Variants in THSD7B observed in about 807,000 individuals in gnomAD.
The protein encoded by THSD7B is thrombospondin type 1 domain containing 7B.
Under a neutral mutation model 213.6 loss-of-function variants are expected in THSD7B, and 138 were observed. The observed-to-expected ratio is 0.65, with a 90% CI of 0.56 to 0.74. THSD7B has a LOEUF of 0.74. Among genes scored for constraint, THSD7B ranks in the 30% least tolerant of loss-of-function variants. The probability of loss-of-function intolerance (pLI) is 0.00; values close to 1 mark genes in which losing one functional copy is unlikely to be tolerated. For synonymous variants in THSD7B, 742 were observed against 687.0 expected, an observed-to-expected ratio of 1.08 and a Z score of -1.25; for missense variants, 1,931 against 1,991.5, an observed-to-expected ratio of 0.97 and a Z score of 0.58.
intron 2 of THSD7B, among the ~76,000 whole-genome samples, chr2:136,954,714 CAAAAA>C (rs11378111): frequency 1.1e-5 from 1 of 89,430 alleles, no homozygotes; most frequent in Non-Finnish European, 2.0e-5. Flanking sequence ...GACTCTGTCT[CAAAAA>C]AAAAAAAAAA....
intron 1 of THSD7B, among the ~76,000 whole-genome samples, chr2:136,804,188 C>T (rs2558105): frequency 0.73 from 110,602 of 152,062 alleles, 40,636 homozygotes; most frequent in East Asian, 0.97. Flanking sequence ...TGAATACTGC[C>T]TTGGTCATGT....
In THSD7B at chr2:137,276,168, A is replaced by G; in HGVS notation, c.2500+142A>G. The G allele has an allele frequency of 2.8e-5, 19 of 681,928 alleles. No homozygotes were observed. The South Asian group carries it at 3.9e-4, about 14-fold the overall frequency. The allele number at this position is 681,928 out of a possible 1,614,324, so 42.2% of individuals were successfully genotyped here. A position where few individuals can be genotyped will look rare whatever the true frequency, so the allele number is the denominator to read the frequency against. On this transcript the variant is annotated intron_variant, in intron 12 of 27. Transcript: ENST00000409968. ...TCATATTTATTGATGTTAAATATAA[A>G]TAGGATTTGGCATAGTTAGCAGTTT... is the stretch of plus-strand genomic sequence containing the variant.
chr2:137,303,429 G>T (rs943729357), intron 12 of THSD7B, among the ~76,000 whole-genome samples: 4 of 151,642 alleles, frequency 2.6e-5, no homozygotes, highest in Admixed American at 2.6e-4. Context: ...TTTTAAACTT[G>T]TATTTAATCT....
At chr2:136,907,414 A>T (rs1684183847) in intron 2 of THSD7B, among the ~76,000 whole-genome samples, 1 of 152,204 alleles carries the variant, frequency 6.6e-6, no homozygotes, top group South Asian at 2.1e-4. Context: ...ATATTGTTTT[A>T]AAAATGTAAG....
At chr2:137,471,861 G>C (rs1688100820) in intron 15 of THSD7B, among the ~76,000 whole-genome samples, 1 of 152,160 alleles carries the variant, frequency 6.6e-6, no homozygotes, top group African/African-American at 2.4e-5. Flanking sequence ...CCAAAAGGCA[G>C]TACTGCGGGT....
intron 2 of THSD7B, among the ~76,000 whole-genome samples, chr2:137,028,854 T>C (rs1443542791): frequency 6.6e-6 from 1 of 152,188 alleles, no homozygotes; most frequent in African/African-American, 2.4e-5. Flanking sequence ...TTAGAATTGA[T>C]ATTTTGTTTG....
At chr2:137,070,158 G>T (rs185930691) in intron 3 of THSD7B, among the ~76,000 whole-genome samples, 1 of 151,764 alleles carries the variant, frequency 6.6e-6, no homozygotes, top group Non-Finnish European at 1.5e-5. Context: ...CTTTGTGCTT[G>T]TTTGTATCTT....
chr2:137,514,901 C>G (rs1158831641), intron 15 of THSD7B, among the ~76,000 whole-genome samples: 1 of 152,164 alleles, frequency 6.6e-6, no homozygotes, highest in Non-Finnish European at 1.5e-5. Context: ...CTCCTAAGTT[C>G]ACTGGACAAA....
chr2:136,920,291 C>A (rs1039692068), intron 2 of THSD7B, among the ~76,000 whole-genome samples: 6 of 152,170 alleles, frequency 3.9e-5, no homozygotes, highest in Admixed American at 3.9e-4. Context: ...CTTCCACAGG[C>A]AGGTCGTCCT....
chr2:137,663,360 T>C (rs1396236003), intron 25 of THSD7B, 23 bp from the exon 26 acceptor site: 20 of 1,513,176 alleles, frequency 1.3e-5, no homozygotes, highest in Non-Finnish European at 1.7e-5. Context: ...TGTGTAACCA[T>C]AAAAATATTC....
chr2:136,958,235 A>G (rs889068265), intron 2 of THSD7B, among the ~76,000 whole-genome samples: 7 of 152,238 alleles, frequency 4.6e-5, no homozygotes, highest in African/African-American at 1.4e-4. Flanking sequence ...AAAGATTTCT[A>G]TGAGTGTAAA....
rs955344848 is a variant in THSD7B, at chr2:137,677,539, A to C, written c.*934A>C. On this transcript the variant is annotated 3_prime_UTR_variant, in exon 28 of 28. Coordinates refer to ENST00000409968, the MANE Select transcript of THSD7B (RefSeq NM_001316349.2). The stretch of plus-strand genomic sequence containing the variant: ...CTCATTTAATATACATCAAACACCG[A>C]TCCTGTTTGTACAAAGTCTTGCTTT... The C allele has an allele frequency of 1.3e-5, 2 of 152,568 alleles. No homozygotes were observed. Among genetic ancestry groups the C allele is most frequent in the South Asian group, 4.1e-4 (2 of 4,830 alleles). 9.5% of individuals were successfully genotyped at this position (152,568 alleles called of 1,614,324 possible). A position where few individuals can be genotyped will look rare whatever the true frequency, so the allele number is the denominator to read the frequency against.
chr2:137,008,178 C>T (rs1686152663), intron 2 of THSD7B, among the ~76,000 whole-genome samples: 1 of 152,076 alleles, frequency 6.6e-6, no homozygotes, highest in African/African-American at 2.4e-5. Flanking sequence ...CCATTTGCAA[C>T]AGAAAGTGAA....
intron 17 of THSD7B, among the ~76,000 whole-genome samples, chr2:137,596,603 T>C (rs1326092531): frequency 6.6e-6 from 1 of 152,012 alleles, no homozygotes; most frequent in Non-Finnish European, 1.5e-5. Flanking sequence ...CAAATTGAGT[T>C]AATGTGAGAG....
chr2:137,058,240 A>G (rs926649673), intron 3 of THSD7B, among the ~76,000 whole-genome samples: 1 of 152,124 alleles, frequency 6.6e-6, no homozygotes, highest in African/African-American at 2.4e-5. Context: ...TTTGTGCCAT[A>G]TGAAATTAGC....
At chr2:137,262,537 T>C (rs1478658788) in intron 10 of THSD7B, among the ~76,000 whole-genome samples, 1 of 152,214 alleles carries the variant, frequency 6.6e-6, no homozygotes, top group Non-Finnish European at 1.5e-5. Flanking sequence ...CTTATCATTA[T>C]AGGTGTTGTT....
intron 3 of THSD7B, among the ~76,000 whole-genome samples, chr2:137,089,349 T>C (rs1687906216): frequency 6.7e-6 from 1 of 150,052 alleles, no homozygotes; most frequent in Non-Finnish European, 1.5e-5. Flanking sequence ...TATATATACA[T>C]ATATGTGTGT....
chr2:137,554,937 C>T (rs1680925057), intron 15 of THSD7B, among the ~76,000 whole-genome samples: 1 of 152,174 alleles, frequency 6.6e-6, no homozygotes, highest in Non-Finnish European at 1.5e-5. Context: ...CTCAGGGAGC[C>T]CCGCTCACTG....
chr2:136,790,131 G>T (rs1681941268), intron 1 of THSD7B, among the ~76,000 whole-genome samples: 1 of 151,370 alleles, frequency 6.6e-6, no homozygotes, highest in Admixed American at 6.6e-5. Flanking sequence ...GTGTGTGTGT[G>T]TGTGTGTGTG....
Sources: gnomAD v4.1 joint callset for allele counts (sites outside exome capture counted in the v4.1 genomes callset) on GRCh38, gnomAD v4.1.1 for gene constraint, MANE v1.5 for transcripts, NCBI Gene and HGNC (gene_info 2026-07-23, HGNC 2026-07-21) for gene names.